Variants in HMGXB4 observed in about 807,000 individuals in gnomAD.
HMGXB4 encodes HMG domain-containing protein 4.
In HMGXB4, 27 loss-of-function variants were observed where a neutral mutation model predicts 63.9. The ratio of observed to expected loss-of-function variants is 0.42; its 90% CI spans 0.31 to 0.58. HMGXB4 has a LOEUF of 0.58. Among genes scored for constraint, HMGXB4 ranks in the 20% least tolerant of loss-of-function variants. The pLI is 0.13. For synonymous variants in HMGXB4, 264 were observed against 265.3 expected (o/e 0.99, Z 0.05); for missense variants, 624 against 700.7 (o/e 0.89, Z 1.24).
chr22:35,278,387 GA>G (rs1569002135), intron 5 of HMGXB4, among the ~76,000 whole-genome samples: 2 of 152,182 alleles, frequency 1.3e-5, no homozygotes, highest in East Asian at 3.9e-4. Context: ...ACAGCTGATG[GA>G]TTATATGTTA....
chr22:35,263,057 A>G (rs758172551), intron 2 of HMGXB4, 21 bp from the exon 3 acceptor site: 3 of 1,611,418 alleles, frequency 1.9e-6, no homozygotes, highest in Non-Finnish European at 2.5e-6. Flanking sequence ...TTCCTTTCCC[A>G]AATAAACCTG....
At position 35,262,781 on chromosome 22, in the gene HMGXB4, C is replaced by T. The variant is rs188713630; in HGVS notation, c.32-297C>T. The T allele has an allele frequency of 8.9e-4, 452 of 510,456 alleles. 3 individuals carry two copies. Among genetic ancestry groups the T allele is most frequent in the Admixed American group, 2.8e-3 (75 of 27,142 alleles). The allele number at this position is 510,456 out of a possible 1,614,324, so 31.6% of individuals were successfully genotyped here. A position where few individuals can be genotyped will look rare whatever the true frequency, so the allele number is the denominator to read the frequency against. On this transcript the variant is annotated intron_variant, in intron 2 of 10. Transcript: ENST00000216106. ...TGAATCCTTATTCTTTTCAGCCTTTCGTCTGCAAGTCTGTGTCCTCCTACC... is the reference window on the plus strand; with the variant it reads ...TGAATCCTTATTCTTTTCAGCCTTTTGTCTGCAAGTCTGTGTCCTCCTACC...
the HMGXB4 span, among the ~76,000 whole-genome samples, chr22:35,243,607 G>C: frequency 6.7e-6 from 1 of 149,668 alleles, no homozygotes; most frequent in African/African-American, 2.5e-5. Flanking sequence ...GCAGTGGTGT[G>C]ATCTCGGCTC....
chr22:35,284,414 T>C (rs542569788), intron 6 of HMGXB4, among the ~76,000 whole-genome samples: 16 of 152,382 alleles, frequency 1.0e-4, no homozygotes, highest in Middle Eastern at 3.4e-3. Context: ...CTTCAACTTA[T>C]GATAGTGTTA....
intron 5 of HMGXB4, among the ~76,000 whole-genome samples, chr22:35,281,955 A>G (rs1924266338): frequency 6.6e-6 from 1 of 152,164 alleles, no homozygotes; most frequent in Non-Finnish European, 1.5e-5. Flanking sequence ...TTTTATTGCC[A>G]TCAGCCTCGG....
intron 2 of HMGXB4, chr22:35,262,849 C>T (rs9610276): frequency 3.5e-6 from 2 of 567,736 alleles, no homozygotes; most frequent in Non-Finnish European, 6.2e-6. Context: ...CACATGGGGC[C>T]TTTGCATAGC....
intron 2 of HMGXB4, chr22:35,262,797 T>C: frequency 1.9e-6 from 1 of 522,182 alleles, no homozygotes; most frequent in Admixed American, 3.6e-5. Context: ...CAAGTCTGTG[T>C]CCTCCTACCA....
At chr22:35,268,501 GTAATCT>G (rs1300529673) in intron 5 of HMGXB4, among the ~76,000 whole-genome samples, 2 of 151,946 alleles carry the variant, frequency 1.3e-5, no homozygotes, top group Non-Finnish European at 2.9e-5. Flanking sequence ...TGATGCTAGA[GTAATCT>G]TAATCTTAAG....
chr22:35,260,967 A>G (rs1261635175), intron 1 of HMGXB4, among the ~76,000 whole-genome samples: 1 of 152,260 alleles, frequency 6.6e-6, no homozygotes, highest in Admixed American at 6.5e-5. Flanking sequence ...AGTGTCCTTC[A>G]GTATTTCTAA....
At chr22:35,265,734 T>C in intron 5 of HMGXB4, 131 bp downstream of exon 5, 2 of 1,263,322 alleles carry the variant, frequency 1.6e-6, no homozygotes, top group African/African-American at 3.0e-5. Context: ...TATGTTGGAA[T>C]GATATAAAGT....
Position 35,263,091 on chromosome 22 carries a change from T to G in HMGXB4, c.45T>G (p.Gly15=), listed in dbSNP as rs866275854. 5.0e-6 allele frequency: 8 copies of G among 1,613,568 alleles called. No individual in the cohort carries two copies. Among genetic ancestry groups the G allele is most frequent in the Non-Finnish European group, 6.8e-6 (8 of 1,179,882 alleles). ...TGTGCTTCTCAGATTGTTTTGATGG[T>G]GATCATACCTTTGAGGACATAGGAC... ...DSVKKEDCFD[G]DHTFEDIGLA... The change falls in exon 3 of 11, where the codon GGT becomes GGG. Residue 15 remains glycine, a synonymous_variant. Transcript: ENST00000216106.
In HMGXB4 at chr22:35,262,341, G is replaced by A. The variant is rs1414355906; in HGVS notation, c.-50G>A. ...TTCTCAGACCTGGTCCTGTAGACGG[G>A]AAGGAGCCTGGACACAGTGACACAT... is the stretch of plus-strand genomic sequence containing the variant. On this transcript the variant is annotated 5_prime_UTR_variant, in exon 2 of 11. Transcript: ENST00000216106. 6.3e-7 allele frequency: 1 copy of A among 1,591,742 alleles called. No individual in the cohort carries two copies.
rs549378490 is a variant in HMGXB4, at chr22:35,275,254, G to C, written c.1216-8708G>C. On this transcript the variant is annotated intron_variant, in intron 5 of 10. Transcript: ENST00000216106. ...CCTGCCTCACCCTCCCAGGTAGCTG[G>C]AATTACAGGTGCCCACCACCACACC... Among the ~76,000 whole-genome samples the C allele has an allele frequency of 1.5e-4, 22 of 151,598 alleles. 1 individual carries two copies. Among genetic ancestry groups the C allele is most frequent in the African/African-American group, 5.1e-4 (21 of 41,286 alleles).
intron 5 of HMGXB4, among the ~76,000 whole-genome samples, chr22:35,269,470 T>C (rs900998208): frequency 9.2e-5 from 14 of 152,194 alleles, no homozygotes; most frequent in African/African-American, 2.2e-4. Flanking sequence ...GTAAGCTCCT[T>C]TACCACCTTA....
chr22:35,255,840 T>A (rs1222419592), upstream of HMGXB4, among the ~76,000 whole-genome samples: 1 of 152,252 alleles, frequency 6.6e-6, no homozygotes, highest in Non-Finnish European at 1.5e-5. Flanking sequence ...GGCTCTTAAA[T>A]GCCTCAAAGG....
chr22:35,291,739 G>A (rs1027257545), intron 9 of HMGXB4, among the ~76,000 whole-genome samples: 1 of 152,180 alleles, frequency 6.6e-6, no homozygotes, highest in African/African-American at 2.4e-5. Context: ...TTGTGAGGCA[G>A]AATTTGTTCC....
intron 1 of HMGXB4, chr22:35,258,139 C>T (rs1018422196): frequency 3.3e-5 from 5 of 152,120 alleles, no homozygotes; most frequent in African/African-American, 7.2e-5. Flanking sequence ...ACTGGTTTGC[C>T]TTGGGGACCA....
the HMGXB4 span, among the ~76,000 whole-genome samples, chr22:35,245,093 C>T: frequency 4.6e-5 from 7 of 152,096 alleles, no homozygotes; most frequent in Non-Finnish European, 1.0e-4. Flanking sequence ...AGGCTGGTCT[C>T]AAACTCCTGA....
At chr22:35,260,009 A>C (rs768193639) in intron 1 of HMGXB4, among the ~76,000 whole-genome samples, 5 of 152,220 alleles carry the variant, frequency 3.3e-5, no homozygotes, top group African/African-American at 7.2e-5. Flanking sequence ...CGAGACCACG[A>C]TACAGTCATC....
Sources: allele counts gnomAD v4.1 joint callset (sites outside exome capture counted in the v4.1 genomes callset), GRCh38; gene constraint gnomAD v4.1.1; transcripts MANE v1.5; gene names NCBI Gene and HGNC (gene_info 2026-07-23, HGNC 2026-07-21).